Variants in GHR observed in about 807,000 individuals in gnomAD.
The protein encoded by GHR is growth hormone receptor, also known as GH receptor.
Under a neutral mutation model 67.1 loss-of-function variants are expected in GHR, and 35 were observed. That is an observed-to-expected ratio of 0.52 (90% CI 0.40 to 0.69). The LOEUF is 0.69. Ranked by LOEUF, GHR falls within the 30% of genes least tolerant of loss-of-function variation. The pLI is 0.00. For synonymous variants in GHR, 272 were observed against 269.1 expected (o/e 1.01, Z -0.10); for missense variants, 792 against 764.6 (o/e 1.04, Z -0.42).
rs200851410 is a variant in GHR, at chr5:42,711,248, G to C, written c.660G>C (p.Leu220Phe). 1.2e-6 allele frequency: 2 copies of C among 1,613,342 alleles called. No homozygotes were observed. The highest frequency in any genetic ancestry group is 1.7e-5 in the Admixed American group (1 of 60,012). The change falls in exon 7 of 10, where the codon TTG (leucine) becomes TTC (phenylalanine). Residue 220 changes from leucine (L) to phenylalanine (F), a missense_variant. Physicochemically the swap from Leu to Phe is conservative, Grantham distance 22. Coordinates refer to ENST00000230882, the MANE Select transcript of GHR (RefSeq NM_000163.5). ...CAACATCAGTTCCAGTGTACTCATTGAAAGTGGATAAGGAATATGAAGTGC... is the reference window on the plus strand; with the variant it reads ...CAACATCAGTTCCAGTGTACTCATTCAAAGTGGATAAGGAATATGAAGTGC... ...ILTTSVPVYSLKVDKEYEVRV... is the reference protein window; with the variant it reads ...ILTTSVPVYSFKVDKEYEVRV...
At chr5:42,638,711 T>C (rs527364134) in intron 3 of GHR, among the ~76,000 whole-genome samples, 23 of 152,292 alleles carry the variant, frequency 1.5e-4, no homozygotes, top group African/African-American at 5.5e-4. Flanking sequence ...AAGACTATAG[T>C]TGAAAATTTT....
rs898229728 is a variant in GHR at position 42,703,538 on chromosome 5, A to G, written c.618+3536A>G. On this transcript the variant is annotated intron_variant, in intron 6 of 9. Transcript: ENST00000230882. ...AGATTGCTTTGGCTATTCATAGTCTATTGCAGTTGCATACAAATTTTAGAA... is the reference window on the plus strand; with the variant it reads ...AGATTGCTTTGGCTATTCATAGTCTGTTGCAGTTGCATACAAATTTTAGAA... 4.6e-5 allele frequency among the ~76,000 whole-genome samples: 7 copies of G among 152,066 alleles called. No homozygotes were observed. The East Asian group carries it at 1.3e-3, about 29-fold the overall frequency.
At chr5:42,657,814 G>A (rs1037285146) in intron 3 of GHR, among the ~76,000 whole-genome samples, 5 of 152,050 alleles carry the variant, frequency 3.3e-5, no homozygotes, top group African/African-American at 1.2e-4. Context: ...TTATAGTGGA[G>A]TCTTGCTTGT....
intron 3 of GHR, among the ~76,000 whole-genome samples, chr5:42,651,398 C>G (rs1232485122): frequency 6.6e-6 from 1 of 152,098 alleles, no homozygotes; most frequent in African/African-American, 2.4e-5. Flanking sequence ...GAGAATGAAA[C>G]AGAAGCTTTG....
At chr5:42,626,238 C>T (rs1045784035) in intron 2 of GHR, among the ~76,000 whole-genome samples, 2 of 152,158 alleles carry the variant, frequency 1.3e-5, no homozygotes, top group Admixed American at 6.5e-5. Context: ...AGGTTTACGG[C>T]TCATTCCAAC....
At chr5:42,537,145 T>A (rs1397290828) in intron 1 of GHR, among the ~76,000 whole-genome samples, 1 of 152,074 alleles carries the variant, frequency 6.6e-6, no homozygotes, top group Non-Finnish European at 1.5e-5. Flanking sequence ...GTATTTTTTC[T>A]TTTAATTTTA....
In GHR at chr5:42,477,321, G is replaced by A. The variant is rs545303926; in HGVS notation, c.-12+53366G>A. On this transcript the variant is annotated intron_variant, in intron 1 of 9. Coordinates refer to ENST00000230882, the MANE Select transcript of GHR (RefSeq NM_000163.5). Reference sequence around the variant, plus strand: ...GTTGGTTCCAAGTCTTTGCTATTGCGAATAGTGCCACAATAAACATACGTG... The same window carrying A: ...GTTGGTTCCAAGTCTTTGCTATTGCAAATAGTGCCACAATAAACATACGTG... 6.6e-5 allele frequency among the ~76,000 whole-genome samples: 10 copies of A among 152,102 alleles called. No homozygotes were observed. In the South Asian group the frequency reaches 1.0e-3, roughly 16 times the overall value.
At chr5:42,475,907 A>AT (rs367798408) in intron 1 of GHR, among the ~76,000 whole-genome samples, 39,057 of 144,422 alleles carry the variant, frequency 0.27, 5,601 homozygotes, top group African/African-American at 0.3. Flanking sequence ...CAGATTAAAA[A>AT]TTTTTTTTTT....
chr5:42,580,105 T>C (rs1181382921), intron 2 of GHR, among the ~76,000 whole-genome samples: 1 of 152,226 alleles, frequency 6.6e-6, no homozygotes, highest in Admixed American at 6.5e-5. Flanking sequence ...GTAAAATCCA[T>C]ACTATGATTC....
At chr5:42,477,039 C>A (rs1419329401) in intron 1 of GHR, among the ~76,000 whole-genome samples, 2 of 121,954 alleles carry the variant, frequency 1.6e-5, no homozygotes, top group Admixed American at 9.3e-5. Context: ...CCCCTCCCCC[C>A]ACCCCACAAC....
At position 42,606,135 on chromosome 5, in the gene GHR, C is replaced by T. The variant is rs143856320; in HGVS notation, c.71-22903C>T. ...GGTGGGAGCTGTAAAAGTTGGGGTGCTCAATGTATGGACAAACTCCTTCCA... is the reference window on the plus strand; with the variant it reads ...GGTGGGAGCTGTAAAAGTTGGGGTGTTCAATGTATGGACAAACTCCTTCCA... On this transcript the variant is annotated intron_variant, in intron 2 of 9. Coordinates refer to ENST00000230882, the MANE Select transcript of GHR (RefSeq NM_000163.5). Among the ~76,000 whole-genome samples the T allele has an allele frequency of 5.9e-5, 9 of 152,210 alleles. No individual in the cohort carries two copies. In the East Asian group the frequency reaches 1.7e-3, roughly 29 times the overall value.
intron 2 of GHR, among the ~76,000 whole-genome samples, chr5:42,587,023 GA>G (rs776908883): frequency 0.06 from 8,076 of 134,374 alleles, 395 homozygotes; most frequent in African/African-American, 0.14. Flanking sequence ...AATACACACT[GA>G]AAAAAAAAAA....
chr5:42,618,432 T>G (rs1411319463), intron 2 of GHR, among the ~76,000 whole-genome samples: 1 of 152,044 alleles, frequency 6.6e-6, no homozygotes, highest in Admixed American at 6.6e-5. Flanking sequence ...TAAAAAGAGA[T>G]TGTTAGAATA....
intron 3 of GHR, among the ~76,000 whole-genome samples, chr5:42,638,563 C>G (rs1191229074): frequency 1.3e-5 from 2 of 152,132 alleles, no homozygotes; most frequent in African/African-American, 2.4e-5. Context: ...ACTGAATATT[C>G]TCAGCAATTG....
In GHR at chr5:42,546,860, G is replaced by C. The variant is rs991062456; in HGVS notation, c.-11-19004G>C. Among the ~76,000 whole-genome samples, 9 of 152,080 alleles carry C rather than the reference G, an allele frequency of 5.9e-5. 1 individual carries two copies. Among genetic ancestry groups the C allele is most frequent in the African/African-American group, 1.9e-4 (8 of 41,408 alleles). On this transcript the variant is annotated intron_variant, in intron 1 of 9. Coordinates refer to ENST00000230882, the MANE Select transcript of GHR (RefSeq NM_000163.5). ...TAGTGAGGATAAAGGGGGATGGAAT[G>C]GACTCAAAAGATACAGAAGAGATAA...
chr5:42,516,197 C>T (rs749962322), intron 1 of GHR, among the ~76,000 whole-genome samples: 1 of 152,050 alleles, frequency 6.6e-6, no homozygotes, highest in Non-Finnish European at 1.5e-5. Flanking sequence ...ATAAATTGCC[C>T]ATTAATTAGC....
At chr5:42,508,296 C>A (rs1746863434) in intron 1 of GHR, among the ~76,000 whole-genome samples, 1 of 152,124 alleles carries the variant, frequency 6.6e-6, no homozygotes, top group African/African-American at 2.4e-5. Context: ...AGAGAAAATT[C>A]ATTGAGAATC....
chr5:42,434,881 G>A (rs1743253674), intron 1 of GHR, among the ~76,000 whole-genome samples: 1 of 152,206 alleles, frequency 6.6e-6, no homozygotes, highest in Non-Finnish European at 1.5e-5. Context: ...AAAGGGCATG[G>A]AGTAGGCTTT....
At chr5:42,602,456 T>G (rs990651899) in intron 2 of GHR, among the ~76,000 whole-genome samples, 1 of 152,210 alleles carries the variant, frequency 6.6e-6, no homozygotes, top group African/African-American at 2.4e-5. Context: ...TCTTCATTCT[T>G]TACCCATTCA....
Sources: allele counts gnomAD v4.1 joint callset (sites outside exome capture counted in the v4.1 genomes callset), GRCh38; gene constraint gnomAD v4.1.1; transcripts MANE v1.5; gene names NCBI Gene and HGNC (gene_info 2026-07-23, HGNC 2026-07-21).